The following LMO3 variants were observed in gnomAD, a reference collection of about 807,000 sequenced individuals.
LMO3 encodes LIM domain only 3, also known as LIM domain only protein 3.
A neutral mutation model predicts 15.8 loss-of-function variants in LMO3; 2 were observed. The ratio of observed to expected loss-of-function variants is 0.13; its 90% CI spans 0.05 to 0.40. The LOEUF (loss-of-function observed/expected upper bound fraction) is 0.40. LMO3 is among the 10% of genes least tolerant of loss of function. LMO3 has a pLI of 0.99. For synonymous variants in LMO3, 62 were observed against 63.8 expected, an observed-to-expected ratio of 0.97 and a Z score of 0.13; for missense variants, 86 against 182.2, an observed-to-expected ratio of 0.47 and a Z score of 3.04.
chr12:16,600,693 A>G lies in LMO3; in HGVS notation c.168T>C (p.Thr56=). ...RLGEVGSTLY[T]KANLILCRRD... ...TGCGACAAAGGATAAGATTAGCTTT[A>G]GTGTACAGGGTGGAGCCCACCTCTC... The change falls in exon 2 of 4, where the codon ACT becomes ACC. Residue 56 remains threonine (T), a synonymous_variant. Coordinates refer to ENST00000537304, the MANE Select transcript of LMO3 (RefSeq NM_018640.5). 6.2e-7 allele frequency: 1 copy of G among 1,614,130 alleles called. No individual in the cohort carries two copies. Among genetic ancestry groups the G allele is most frequent in the Non-Finnish European group, 8.5e-7 (1 of 1,179,988 alleles).
rs931247262 is a variant in LMO3 at position 16,587,429 on chromosome 12, A to G, written c.206+13226T>C. Among the ~76,000 whole-genome samples, 4 of 152,184 alleles carry G rather than the reference A, an allele frequency of 2.6e-5. No individual in the cohort carries two copies. Among genetic ancestry groups the G allele is most frequent in the African/African-American group, 9.7e-5 (4 of 41,446 alleles). On this transcript the variant is annotated intron_variant, in intron 2 of 3. Coordinates refer to ENST00000537304, the MANE Select transcript of LMO3 (RefSeq NM_018640.5). The surrounding 1 kb of genome is among the most constrained non-coding windows in gnomAD (Gnocchi z 4.3). ...GAACTGTTGCTTTCATTAATTTTCTACAGACTAGAGAGCAAGGAATTCAAG... is the reference window on the plus strand; with the variant it reads ...GAACTGTTGCTTTCATTAATTTTCTGCAGACTAGAGAGCAAGGAATTCAAG...
rs1220671275 is a variant in LMO3, at chr12:16,550,107, G to A, written c.*1115C>T. 1.3e-5 allele frequency: 2 copies of A among 151,920 alleles called. No individual in the cohort carries two copies. The highest frequency in any genetic ancestry group is 4.8e-5 in the African/African-American group (2 of 41,374). The allele number at this position is 151,920 out of a possible 1,614,324, so 9.4% of individuals were successfully genotyped here. On this transcript the variant is annotated 3_prime_UTR_variant, in exon 4 of 4. Coordinates refer to ENST00000537304, the MANE Select transcript of LMO3 (RefSeq NM_018640.5). ...TCTCTTCTTCTAGAAGATTCTATGA[G>A]CATTATGTTGCTCCGATCAAAAGTA...
chr12:16,608,551 G>A (rs1188525458), upstream of LMO3: 2 of 152,148 alleles, frequency 1.3e-5, no homozygotes, highest in Non-Finnish European at 2.9e-5. The surrounding 1 kb of genome is among the most constrained non-coding windows in gnomAD (Gnocchi z 4.1). Flanking sequence ...AACCTGCAAA[G>A]ACATTAACCA....
intron 2 of LMO3, among the ~76,000 whole-genome samples, chr12:16,569,299 G>GT (rs1277016134): frequency 6.6e-6 from 1 of 152,088 alleles, no homozygotes; most frequent in Admixed American, 6.6e-5. Context: ...ATACTTCTTT[G>GT]TTTTTCCCTG....
At position 16,597,864 on chromosome 12, in the gene LMO3, T is replaced by C. The variant is rs2137680428; in HGVS notation, c.206+2791A>G. On this transcript the variant is annotated intron_variant, in intron 2 of 3. Coordinates refer to ENST00000537304, the MANE Select transcript of LMO3 (RefSeq NM_018640.5). The surrounding 1 kb of genome is among the most constrained non-coding windows in gnomAD (Gnocchi z 5.0). ...TGGAGGAAAATGAGAAAAATTACTT[T>C]TAAAGCTCAGGAAAATAACCACAGA... The C allele has an allele frequency of 6.6e-6, 1 of 152,046 alleles. No individual in the cohort carries two copies. Among genetic ancestry groups the C allele is most frequent in the East Asian group, 1.9e-4 (1 of 5,184 alleles). 9.4% of individuals were successfully genotyped at this position (152,046 alleles called of 1,614,324 possible).
At chr12:16,573,527 G>T (rs1167725063) in intron 2 of LMO3, 1 of 152,154 alleles carries the variant, frequency 6.6e-6, no homozygotes, top group Admixed American at 6.5e-5. Flanking sequence ...AAAAAAACCT[G>T]TCAGCTGCAA....
In LMO3 at chr12:16,586,992, A is replaced by AT. The variant is rs1318544829; in HGVS notation, c.206+13662dup. On this transcript the variant is annotated intron_variant, in intron 2 of 3. Transcript: ENST00000537304. The surrounding 1 kb of genome is among the most constrained non-coding windows in gnomAD (Gnocchi z 4.3). ...TCAGTAGCAGTTTATTCATTAGAAC[A>AT]TTCTGTACTCCTCTAAAAATCCAAC... Among the ~76,000 whole-genome samples the AT allele has an allele frequency of 6.6e-6, 1 of 152,194 alleles. No homozygotes were observed. The highest frequency in any genetic ancestry group is 2.4e-5 in the African/African-American group (1 of 41,456).
Position 16,549,864 on chromosome 12 carries a change from A to G in LMO3, c.*1358T>C, listed in dbSNP as rs915099621. On this transcript the variant is annotated 3_prime_UTR_variant, in exon 4 of 4. Coordinates refer to ENST00000537304, the MANE Select transcript of LMO3 (RefSeq NM_018640.5). ...CTCTTTCTAGAGCTTTCTTCTTTGT[A>G]TGCTATCACGTAAGGTAGTACTATT... 1.3e-5 allele frequency: 2 copies of G among 152,084 alleles called. No individual in the cohort carries two copies. Among genetic ancestry groups the G allele is most frequent in the Non-Finnish European group, 2.9e-5 (2 of 67,970 alleles). The allele number at this position is 152,084 out of a possible 1,614,324, so 9.4% of individuals were successfully genotyped here. A position where few individuals can be genotyped will look rare whatever the true frequency, so the allele number is the denominator to read the frequency against.
intron 2 of LMO3, among the ~76,000 whole-genome samples, chr12:16,564,957 T>A (rs917688739): frequency 2.1e-4 from 31 of 150,546 alleles, no homozygotes; most frequent in East Asian, 9.7e-4. Context: ...GGCTAATTTT[T>A]AAAAAAAAAA....
rs1403034098 is a variant in LMO3 at position 16,597,491 on chromosome 12, GTTTC to G, written c.206+3160_206+3163del. ...AGTCTCATTGCTCATAATTAGGAGT[GTTTC>G]TTTCTTTCTGTTTATGGAGGGAGAA... On this transcript the variant is annotated intron_variant, in intron 2 of 3. Coordinates refer to ENST00000537304, the MANE Select transcript of LMO3 (RefSeq NM_018640.5). This position sits in a 1 kb window ranked among gnomAD's most constrained non-coding sequence, Gnocchi z 5.0. The G allele has an allele frequency of 2.0e-5, 3 of 151,704 alleles. No individual in the cohort carries two copies. Among genetic ancestry groups the G allele is most frequent in the Non-Finnish European group, 4.4e-5 (3 of 67,756 alleles). 9.4% of individuals were successfully genotyped at this position (151,704 alleles called of 1,614,324 possible). A position where few individuals can be genotyped will look rare whatever the true frequency, so the allele number is the denominator to read the frequency against.
chr12:16,550,818 A>G lies in LMO3; in HGVS notation c.*404T>C, dbSNP rs1443177767. The G allele has an allele frequency of 6.4e-6, 1 of 156,356 alleles. No homozygotes were observed. The highest frequency in any genetic ancestry group is 1.4e-5 in the Non-Finnish European group (1 of 70,396). The allele number at this position is 156,356 out of a possible 1,614,324, so 9.7% of individuals were successfully genotyped here. ...AATACAGAAAGCATAAATATACAGTAAGTTTAAACACTGATTGTACTAAAT... is the reference window on the plus strand; with the variant it reads ...AATACAGAAAGCATAAATATACAGTGAGTTTAAACACTGATTGTACTAAAT... On this transcript the variant is annotated 3_prime_UTR_variant, in exon 4 of 4. Transcript: ENST00000537304.
chr12:16,570,676 C>A (rs566256033), intron 2 of LMO3, among the ~76,000 whole-genome samples: 2 of 152,118 alleles, frequency 1.3e-5, no homozygotes, highest in Non-Finnish European at 2.9e-5. Context: ...GAAACACGAA[C>A]GAGTGATTGG....
chr12:16,592,739 T>G (rs1943532530), intron 2 of LMO3, among the ~76,000 whole-genome samples: 1 of 151,946 alleles, frequency 6.6e-6, no homozygotes, highest in Non-Finnish European at 1.5e-5. Context: ...GTCTTGATTC[T>G]TCTATTTTTT....
chr12:16,579,879 C>A (rs1463784958), intron 2 of LMO3, among the ~76,000 whole-genome samples: 4 of 152,066 alleles, frequency 2.6e-5, no homozygotes, highest in Non-Finnish European at 4.4e-5. Flanking sequence ...AATGATTATC[C>A]ATTGTTATTT....
chr12:16,579,401 T>C (rs898790960), intron 2 of LMO3, among the ~76,000 whole-genome samples: 4 of 152,136 alleles, frequency 2.6e-5, no homozygotes, highest in Non-Finnish European at 4.4e-5. Flanking sequence ...TGAGAAACAA[T>C]TTTTTTGGTA....
intron 2 of LMO3, among the ~76,000 whole-genome samples, chr12:16,575,647 G>A (rs773716187): frequency 1.2e-4 from 19 of 152,126 alleles, no homozygotes; most frequent in Non-Finnish European, 2.6e-4. Context: ...TACACCCAGC[G>A]TCACATAGAT....
At chr12:16,580,168 G>A (rs1166782138) in intron 2 of LMO3, among the ~76,000 whole-genome samples, 3 of 152,092 alleles carry the variant, frequency 2.0e-5, no homozygotes, top group Admixed American at 1.3e-4. Context: ...ATCTCTCTAT[G>A]TTGCCCAGGC....
intron 2 of LMO3, 185 bp downstream of exon 2, chr12:16,600,470 G>A: frequency 3.4e-6 from 2 of 595,890 alleles, no homozygotes; most frequent in Middle Eastern, 4.5e-4. Context: ...ATTGTGGTTT[G>A]TTGGCTATTC....
Position 16,598,224 on chromosome 12 carries a change from C to T in LMO3, c.206+2431G>A, listed in dbSNP as rs1421634835. ...GCTTTCCACATAAAACTAAATACCA[C>T]ATCTGCGGCATAATCTATAACACGT... On this transcript the variant is annotated intron_variant, in intron 2 of 3. Transcript: ENST00000537304. This position sits in a 1 kb window ranked among gnomAD's most constrained non-coding sequence, Gnocchi z 4.3. 2 of 152,032 alleles carry T rather than the reference C, an allele frequency of 1.3e-5. No homozygotes were observed. The highest frequency in any genetic ancestry group is 2.9e-5 in the Non-Finnish European group (2 of 67,944). 9.4% of individuals were successfully genotyped at this position (152,032 alleles called of 1,614,324 possible). A position where few individuals can be genotyped will look rare whatever the true frequency, so the allele number is the denominator to read the frequency against.
Sources: gnomAD v4.1 joint callset for allele counts (sites outside exome capture counted in the v4.1 genomes callset) on GRCh38, gnomAD v4.1.1 for gene constraint, Gnocchi (gnomAD v3.1) non-coding constraint, MANE v1.5 for transcripts, NCBI Gene and HGNC (gene_info 2026-07-23, HGNC 2026-07-21) for gene names.